NR6A1: variants seen among roughly 807,000 people sequenced by gnomAD.
NR6A1 encodes the protein nuclear receptor subfamily 6 group A member 1.
In NR6A1, 7 loss-of-function variants were observed where a neutral mutation model predicts 59.1. That is an observed-to-expected ratio of 0.12 (90% CI 0.07 to 0.22). The LOEUF (loss-of-function observed/expected upper bound fraction) is 0.22, where lower values mean the gene tolerates loss of function less well. Among genes scored for constraint, NR6A1 ranks in the 10% least tolerant of loss-of-function variants. The pLI, the probability that NR6A1 is intolerant of heterozygous loss-of-function variation, is 1.00. For synonymous variants in NR6A1, 243 were observed against 236.1 expected (o/e 1.03, Z -0.27); for missense variants, 468 against 611.6 (o/e 0.77, Z 2.48).
chr9:124,751,922 C>A (rs1840511327), intron 1 of NR6A1, among the ~76,000 whole-genome samples: 1 of 152,120 alleles, frequency 6.6e-6, no homozygotes, highest in African/African-American at 2.4e-5. Context: ...TTTTAAACAA[C>A]AGGATTACAA....
chr9:124,562,442 A>G (rs2131405217), intron 2 of NR6A1, among the ~76,000 whole-genome samples: 1 of 151,884 alleles, frequency 6.6e-6, no homozygotes, highest in South Asian at 2.1e-4. Flanking sequence ...TTTTTTGGAT[A>G]CAGGGTTCAT....
intron 2 of NR6A1, among the ~76,000 whole-genome samples, chr9:124,705,569 T>C (rs1223746912): frequency 2.6e-5 from 4 of 152,208 alleles, no homozygotes; most frequent in Non-Finnish European, 5.9e-5. Context: ...GGTATGTCCA[T>C]TATTGAACTG....
chr9:124,762,516 C>T (rs918541620), intron 1 of NR6A1, among the ~76,000 whole-genome samples: 5 of 152,096 alleles, frequency 3.3e-5, no homozygotes, highest in African/African-American at 4.8e-5. Flanking sequence ...GATTTATAAT[C>T]GGAAAAGGAA....
At chr9:124,549,740 T>C (rs1031963106) in intron 3 of NR6A1, among the ~76,000 whole-genome samples, 1 of 152,188 alleles carries the variant, frequency 6.6e-6, no homozygotes, top group East Asian at 1.9e-4. Flanking sequence ...GTTGCAAAAA[T>C]AGTATGGAGA....
chr9:124,651,879 C>G (rs1837114420), intron 2 of NR6A1, among the ~76,000 whole-genome samples: 1 of 152,136 alleles, frequency 6.6e-6, no homozygotes, highest in Non-Finnish European at 1.5e-5. Context: ...TGATCCTCTT[C>G]CCAAGTAGAC....
At chr9:124,583,097 G>T (rs1017300194) in intron 2 of NR6A1, among the ~76,000 whole-genome samples, 1 of 152,132 alleles carries the variant, frequency 6.6e-6, no homozygotes, top group African/African-American at 2.4e-5. Flanking sequence ...TTCACAAGAT[G>T]TAAGTAAAAA....
At chr9:124,754,354 T>A (rs1840583439) in intron 1 of NR6A1, among the ~76,000 whole-genome samples, 1 of 152,240 alleles carries the variant, frequency 6.6e-6, no homozygotes, top group African/African-American at 2.4e-5. Context: ...AAAATTTGTT[T>A]TAAATATTTG....
intron 1 of NR6A1, among the ~76,000 whole-genome samples, chr9:124,767,872 A>C (rs939312820): frequency 1.3e-5 from 2 of 152,232 alleles, no homozygotes; most frequent in African/African-American, 4.8e-5. Context: ...AAATATTTAA[A>C]AGTATATTCC....
intron 2 of NR6A1, among the ~76,000 whole-genome samples, chr9:124,686,727 A>T (rs1838343971): frequency 6.8e-6 from 1 of 147,912 alleles, no homozygotes; most frequent in Non-Finnish European, 1.5e-5. Flanking sequence ...TTTTTGTGAC[A>T]GGGTCACTCT....
intron 2 of NR6A1, among the ~76,000 whole-genome samples, chr9:124,594,773 G>A (rs1056820214): frequency 2.0e-5 from 3 of 152,192 alleles, no homozygotes; most frequent in Admixed American, 2.0e-4. Flanking sequence ...GCTATTATCA[G>A]AGGGGGTCCC....
At chr9:124,551,974 G>A (rs567886812) in intron 3 of NR6A1, among the ~76,000 whole-genome samples, 2 of 152,290 alleles carry the variant, frequency 1.3e-5, no homozygotes, top group East Asian at 3.9e-4. Flanking sequence ...GGGTCTGCCT[G>A]CTCTGCATGC....
At chr9:124,761,260 TA>T in intron 1 of NR6A1, among the ~76,000 whole-genome samples, 1 of 152,268 alleles carries the variant, frequency 6.6e-6, no homozygotes. Context: ...AAAGGTACAT[TA>T]CATGAAACTC....
chr9:124,600,990 A>G (rs1461055342), intron 2 of NR6A1, among the ~76,000 whole-genome samples: 1 of 152,018 alleles, frequency 6.6e-6, no homozygotes, highest in African/African-American at 2.4e-5. Flanking sequence ...CTTTAAGAAA[A>G]AAAAAAAAAA....
At chr9:124,701,844 C>T (rs1209509093) in intron 2 of NR6A1, among the ~76,000 whole-genome samples, 1 of 152,152 alleles carries the variant, frequency 6.6e-6, no homozygotes, top group Admixed American at 6.5e-5. Flanking sequence ...CTGCTTCAGC[C>T]TCCCGAGTAG....
chr9:124,569,471 A>C (rs954784419), intron 2 of NR6A1, among the ~76,000 whole-genome samples: 1 of 152,234 alleles, frequency 6.6e-6, no homozygotes, highest in Non-Finnish European at 1.5e-5. Flanking sequence ...ACTGTGATGA[A>C]GGCCAGATTT....
At chr9:124,650,034 C>G (rs182293954) in intron 2 of NR6A1, among the ~76,000 whole-genome samples, 1 of 152,222 alleles carries the variant, frequency 6.6e-6, no homozygotes, top group East Asian at 1.9e-4. Context: ...TATGGAAGTT[C>G]CTCAAATAAC....
intron 2 of NR6A1, among the ~76,000 whole-genome samples, chr9:124,603,961 A>G (rs1242597137): frequency 6.6e-6 from 1 of 152,176 alleles, no homozygotes; most frequent in African/African-American, 2.4e-5. Context: ...TGGCAATCCT[A>G]CCTGCACCAG....
intron 2 of NR6A1, among the ~76,000 whole-genome samples, chr9:124,672,770 G>T (rs577032568): frequency 1.3e-5 from 2 of 151,754 alleles, no homozygotes; most frequent in East Asian, 3.9e-4. Flanking sequence ...GGTATGCAGT[G>T]GTATATCCTT....
At chr9:124,641,609 A>G (rs1203802556) in intron 2 of NR6A1, among the ~76,000 whole-genome samples, 1 of 152,146 alleles carries the variant, frequency 6.6e-6, no homozygotes, top group Non-Finnish European at 1.5e-5. Flanking sequence ...AGGCAGGAGG[A>G]TTGCTTCAGC....
Sources: allele counts gnomAD v4.1 joint callset (sites outside exome capture counted in the v4.1 genomes callset), GRCh38; gene constraint gnomAD v4.1.1; transcripts MANE v1.5; gene names NCBI Gene and HGNC (gene_info 2026-07-23, HGNC 2026-07-21).